Variants in IQCM observed in about 807,000 individuals in gnomAD.
IQCM encodes the protein IQ domain-containing protein M.
In IQCM, 45 loss-of-function variants were observed where a neutral mutation model predicts 57.6. The ratio of observed to expected loss-of-function variants is 0.78; its 90% CI spans 0.62 to 1.00. The LOEUF (loss-of-function observed/expected upper bound fraction) is 1.00, where lower values mean the gene tolerates loss of function less well. Among genes scored for constraint, IQCM ranks in the 50% least tolerant of loss-of-function variants. The pLI is 0.00. For synonymous variants in IQCM, 148 were observed against 158.9 expected, an observed-to-expected ratio of 0.93 and a Z score of 0.51; for missense variants, 468 against 511.6, an observed-to-expected ratio of 0.91 and a Z score of 0.82.
chr4:149,690,036 T>C (rs1762833351), intron 5 of IQCM, among the ~76,000 whole-genome samples: 1 of 152,154 alleles, frequency 6.6e-6, no homozygotes, highest in African/African-American at 2.4e-5. Context: ...AGAACTACCA[T>C]TTGATCCAGT....
chr4:149,442,313 T>C (rs988236044), intron 12 of IQCM, among the ~76,000 whole-genome samples: 3 of 152,084 alleles, frequency 2.0e-5, no homozygotes, highest in African/African-American at 7.2e-5. Flanking sequence ...TCTGGATGGA[T>C]TGGAATTTTC....
chr4:149,534,843 G>T (rs1747125843), intron 12 of IQCM, among the ~76,000 whole-genome samples: 1 of 152,026 alleles, frequency 6.6e-6, no homozygotes, highest in Admixed American at 6.6e-5. Flanking sequence ...GGCTCTAGAG[G>T]TAACCTTTTT....
rs1019064216 is a variant in IQCM at position 149,352,006 on chromosome 4, C to T, written c.1451G>A (p.Arg484Gln). 5.0e-6 allele frequency: 2 copies of T among 398,800 alleles called. No homozygotes were observed. The highest frequency in any genetic ancestry group is 2.1e-5 in the African/African-American group (1 of 48,620). The allele number at this position is 398,800 out of a possible 1,614,324, so 24.7% of individuals were successfully genotyped here. ...TCTCATTTTCCTTTCTCTTATGGAT[C>T]GGGCCACCAACTTTCCAACAACCCG... ...NIRVVGKLVA[R>Q]SIRERKMRQH... is the part of the protein sequence containing the mutation. The change falls in exon 14 of 14, where the codon CGA (arginine) becomes CAA (glutamine). Residue 484 changes from arginine (R) to glutamine (Q), a missense_variant. Arg to Gln is a conservative substitution (Grantham distance 43). Transcript: ENST00000636793.
In IQCM at chr4:149,386,989, G is replaced by C. The variant is rs144521757; in HGVS notation, c.1391-34923C>G. Among the ~76,000 whole-genome samples, 1,490 of 152,108 alleles carry C rather than the reference G, an allele frequency of 9.8e-3. 10 individuals carry two copies. The highest frequency in any genetic ancestry group is 0.02 in the South Asian group (98 of 4,826). On this transcript the variant is annotated intron_variant, in intron 13 of 13. Coordinates refer to ENST00000636793, the MANE Select transcript of IQCM (RefSeq NM_001363507.2). ...CCACAAATCAGGCATACAATACCTG[G>C]TGGTCTACCCCTTATTGATGCTAAA...
At position 149,652,049 on chromosome 4, in the gene IQCM, C is replaced by T. The variant is rs571450976; in HGVS notation, c.565+30069G>A. 3.5e-4 allele frequency among the ~76,000 whole-genome samples: 53 copies of T among 152,228 alleles called. 1 individual carries two copies. In the South Asian group the frequency reaches 0.011, roughly 31 times the overall value. On this transcript the variant is annotated intron_variant, in intron 7 of 13. Coordinates refer to ENST00000636793, the MANE Select transcript of IQCM (RefSeq NM_001363507.2). ...CACAATAGCAAAGACTTGGAACCAA[C>T]CCAAATGTCCATCAATAATAGACTG...
intron 12 of IQCM, among the ~76,000 whole-genome samples, chr4:149,449,613 A>G (rs1736887598): frequency 6.6e-6 from 1 of 151,346 alleles, no homozygotes; most frequent in Non-Finnish European, 1.5e-5. Context: ...TCTCATTTAA[A>G]TAGCTGCACA....
At chr4:149,479,882 T>C (rs918740856) in intron 12 of IQCM, among the ~76,000 whole-genome samples, 2 of 152,196 alleles carry the variant, frequency 1.3e-5, no homozygotes, top group Admixed American at 6.5e-5. Context: ...AAAGCTCTTA[T>C]ATTAAATAAT....
At chr4:149,635,635 T>C (rs1175488191) in intron 7 of IQCM, among the ~76,000 whole-genome samples, 5 of 152,168 alleles carry the variant, frequency 3.3e-5, no homozygotes, top group African/African-American at 1.2e-4. Context: ...ATTTTGCATA[T>C]TAAAAATTTA....
At chr4:149,375,871 A>G (rs989852021) in intron 13 of IQCM, among the ~76,000 whole-genome samples, 16 of 152,192 alleles carry the variant, frequency 1.1e-4, no homozygotes, top group African/African-American at 3.9e-4. Context: ...ATTTTCACTG[A>G]TAAGGCCAGA....
At chr4:149,660,959 G>A (rs944157969) in intron 7 of IQCM, among the ~76,000 whole-genome samples, 2 of 151,582 alleles carry the variant, frequency 1.3e-5, no homozygotes, top group African/African-American at 2.4e-5. Context: ...TTGTGCACAT[G>A]TACCCTAAAA....
chr4:149,667,725 G>A (rs779690533), intron 7 of IQCM, among the ~76,000 whole-genome samples: 53 of 151,910 alleles, frequency 3.5e-4, no homozygotes, highest in Non-Finnish European at 6.3e-4. Flanking sequence ...CCAGTTTAGA[G>A]AAGAACATAA....
intron 13 of IQCM, among the ~76,000 whole-genome samples, chr4:149,408,734 G>A (rs1733158617): frequency 6.6e-6 from 1 of 152,076 alleles, no homozygotes; most frequent in Non-Finnish European, 1.5e-5. Context: ...TATCATTTGA[G>A]GCTTTTCTTT....
intron 5 of IQCM, among the ~76,000 whole-genome samples, chr4:149,709,896 A>G (rs988653369): frequency 6.6e-6 from 1 of 152,144 alleles, no homozygotes; most frequent in African/African-American, 2.4e-5. Context: ...CTAACACAGG[A>G]ACAAGTCTAG....
At chr4:149,557,801 C>T (rs531585588) in intron 10 of IQCM, among the ~76,000 whole-genome samples, 13 of 152,264 alleles carry the variant, frequency 8.5e-5, no homozygotes, top group Admixed American at 2.6e-4. Context: ...CCTTAAAGTC[C>T]GTATAATATG....
chr4:149,689,581 G>A (rs1035639448), intron 5 of IQCM, among the ~76,000 whole-genome samples: 1 of 151,970 alleles, frequency 6.6e-6, no homozygotes, highest in East Asian at 1.9e-4. Flanking sequence ...AAATATTTGG[G>A]ACTTAATTAA....
At chr4:149,795,709 T>C (rs1773052410) in intron 2 of IQCM, among the ~76,000 whole-genome samples, 1 of 152,124 alleles carries the variant, frequency 6.6e-6, no homozygotes. Flanking sequence ...GAGGAGAACT[T>C]TGTCTTGCAT....
intron 8 of IQCM, among the ~76,000 whole-genome samples, chr4:149,588,265 TTTTA>T (rs965635959): frequency 2.0e-5 from 3 of 151,702 alleles, no homozygotes; most frequent in African/African-American, 2.4e-5. Context: ...TAGATCAGAA[TTTTA>T]TTTATTTATT....
At chr4:149,569,272 A>G (rs186135278) in intron 9 of IQCM, among the ~76,000 whole-genome samples, 13 of 152,324 alleles carry the variant, frequency 8.5e-5, no homozygotes. Context: ...ATACTCAAAG[A>G]CTAACACAAT....
At chr4:149,447,196 T>C (rs948334610) in intron 12 of IQCM, among the ~76,000 whole-genome samples, 7 of 151,600 alleles carry the variant, frequency 4.6e-5, no homozygotes, top group African/African-American at 1.7e-4. Flanking sequence ...AAGAAATTTC[T>C]TTCATAGAAA....
Sources: gnomAD v4.1 joint callset for allele counts (sites outside exome capture counted in the v4.1 genomes callset) on GRCh38, gnomAD v4.1.1 for gene constraint, MANE v1.5 for transcripts, NCBI Gene and HGNC (gene_info 2026-07-23, HGNC 2026-07-21) for gene names.